Variants in GTF2H5 observed in about 807,000 individuals in gnomAD.
GTF2H5 encodes TFB5 ortholog.
Under a neutral mutation model 7.1 loss-of-function variants are expected in GTF2H5, and 5 were observed. That is an observed-to-expected ratio of 0.71 (90% CI 0.37 to 1.49). The LOEUF is 1.49. Ranked by LOEUF, GTF2H5 falls within the 40% of genes most tolerant of loss-of-function variation. The probability of loss-of-function intolerance (pLI) is 0.03; values close to 1 mark genes in which losing one functional copy is unlikely to be tolerated. For missense variants in GTF2H5, 80 were observed against 83.0 expected, an observed-to-expected ratio of 0.96 and a Z score of 0.14; for synonymous variants, 30 against 31.7, an observed-to-expected ratio of 0.95 and a Z score of 0.18.
chr6:158,190,306 T>G (rs1490095984), intron 2 of GTF2H5, among the ~76,000 whole-genome samples: 1 of 152,184 alleles, frequency 6.6e-6, no homozygotes, highest in Non-Finnish European at 1.5e-5. Context: ...CTTGGAGTTT[T>G]CTTGTTCCTC....
intron 2 of GTF2H5, among the ~76,000 whole-genome samples, chr6:158,179,515 C>A (rs796093027): frequency 7.2e-5 from 11 of 152,268 alleles, no homozygotes; most frequent in African/African-American, 2.6e-4. Flanking sequence ...TCTCTTATTT[C>A]CTTGAGCAGT....
intron 2 of GTF2H5, among the ~76,000 whole-genome samples, chr6:158,170,763 A>G (rs766376862): frequency 6.6e-6 from 1 of 152,202 alleles, no homozygotes; most frequent in Non-Finnish European, 1.5e-5. Context: ...TTGTTAGATG[A>G]GTCGTCTTTA....
chr6:158,169,881 T>A (rs975444772), intron 1 of GTF2H5, among the ~76,000 whole-genome samples: 1 of 144,956 alleles, frequency 6.9e-6, no homozygotes, highest in Non-Finnish European at 1.5e-5. Flanking sequence ...TTAGCTGGGC[T>A]TAGTAGTGCA....
chr6:158,171,298 T>C (rs191083293), intron 2 of GTF2H5, among the ~76,000 whole-genome samples: 176 of 152,356 alleles, frequency 1.2e-3, no homozygotes, highest in African/African-American at 3.8e-3. Flanking sequence ...CAAAACACTA[T>C]GCTTTGAACA....
At chr6:158,170,310 A>G (rs938369774) in intron 1 of GTF2H5, among the ~76,000 whole-genome samples, 160 bp from the exon 2 acceptor site, 2 of 152,176 alleles carry the variant, frequency 1.3e-5, no homozygotes, top group African/African-American at 4.8e-5. Flanking sequence ...TAATTTTGTT[A>G]AAAAATCAGA....
rs892009932 is a variant in GTF2H5 at position 158,193,282 on chromosome 6, CA to C, written c.*1135del. 16 of 144,496 alleles carry C rather than the reference CA, an allele frequency of 1.1e-4. No homozygotes were observed. The highest frequency in any genetic ancestry group is 2.1e-4 in the Admixed American group (3 of 14,466). 9.0% of individuals were successfully genotyped at this position (144,496 alleles called of 1,614,324 possible). A position where few individuals can be genotyped will look rare whatever the true frequency, so the allele number is the denominator to read the frequency against. Reference sequence around the variant, plus strand: ...AGGTGACAGAGTGAGACCCTGTCTCCAAAAAAAAAAGTGTATATGTATGTGT... The same window carrying C: ...AGGTGACAGAGTGAGACCCTGTCTCCAAAAAAAAAGTGTATATGTATGTGT... On this transcript the variant is annotated 3_prime_UTR_variant, in exon 3 of 3. Transcript: ENST00000607778.
In GTF2H5 at chr6:158,199,344, A is replaced by G. The variant is rs371280171; in HGVS notation, c.*7187A>G. The G allele has an allele frequency of 6.6e-5, 10 of 152,228 alleles. No individual in the cohort carries two copies. The highest frequency in any genetic ancestry group is 4.1e-4 in the South Asian group (2 of 4,834). 9.4% of individuals were successfully genotyped at this position (152,228 alleles called of 1,614,324 possible). A position where few individuals can be genotyped will look rare whatever the true frequency, so the allele number is the denominator to read the frequency against. ...CTAAAATAAAAATTTTAAAAAAACT[A>G]TATCTGTCACAGCCTGTTTTTATTT... On this transcript the variant is annotated 3_prime_UTR_variant, in exon 3 of 3. Coordinates refer to ENST00000607778, the MANE Select transcript of GTF2H5 (RefSeq NM_207118.3).
intron 1 of GTF2H5, among the ~76,000 whole-genome samples, chr6:158,169,482 A>ATAATATACTGTATATT (rs1562468291): frequency 3.3e-5 from 2 of 61,462 alleles, no homozygotes; most frequent in African/African-American, 1.7e-4. Context: ...TATTATATAT[A>ATAATATACTGTATATT]ATATATTGTA....
intron 2 of GTF2H5, among the ~76,000 whole-genome samples, chr6:158,176,812 A>G (rs1489906565): frequency 6.6e-6 from 1 of 152,226 alleles, no homozygotes; most frequent in African/African-American, 2.4e-5. Context: ...TAGATTATAG[A>G]TTATAGATTA....
At chr6:158,191,671 A>AC (rs1777029015) in intron 2 of GTF2H5, among the ~76,000 whole-genome samples, 1 of 152,016 alleles carries the variant, frequency 6.6e-6, no homozygotes, top group South Asian at 2.1e-4. Context: ...TTTAGTAGAG[A>AC]CGGGGTTTCA....
intron 2 of GTF2H5, among the ~76,000 whole-genome samples, chr6:158,191,542 G>A (rs1562476696): frequency 1.3e-5 from 2 of 151,356 alleles, no homozygotes; most frequent in Non-Finnish European, 2.9e-5. Flanking sequence ...GAGTGCAGTG[G>A]CACGATCTCC....
At chr6:158,185,747 A>G (rs1776910211) in intron 2 of GTF2H5, among the ~76,000 whole-genome samples, 1 of 151,876 alleles carries the variant, frequency 6.6e-6, no homozygotes. Context: ...ATGGCTCACA[A>G]CTGTAATCCC....
At chr6:158,172,911 G>A (rs1311453520) in intron 2 of GTF2H5, among the ~76,000 whole-genome samples, 3 of 152,166 alleles carry the variant, frequency 2.0e-5, no homozygotes, top group African/African-American at 4.8e-5. Context: ...GGGAGACTCT[G>A]AAGTCTCAGT....
chr6:158,168,779 TC>T, intron 1 of GTF2H5, among the ~76,000 whole-genome samples: 1 of 152,338 alleles, frequency 6.6e-6, no homozygotes, highest in South Asian at 2.1e-4. Context: ...CTTAATCTCT[TC>T]CTTTGGTCTC....
At chr6:158,182,521 G>A (rs1225355884) in intron 2 of GTF2H5, among the ~76,000 whole-genome samples, 3 of 152,070 alleles carry the variant, frequency 2.0e-5, no homozygotes, top group Non-Finnish European at 4.4e-5. Context: ...CCAATCAAAC[G>A]TAGATTTGGT....
At chr6:158,184,513 T>A (rs1776871146) in intron 2 of GTF2H5, among the ~76,000 whole-genome samples, 1 of 152,122 alleles carries the variant, frequency 6.6e-6, no homozygotes, top group African/African-American at 2.4e-5. Flanking sequence ...TGGTGTCTCT[T>A]CTCTTAAGAC....
chr6:158,170,462 T>C lies in GTF2H5; in HGVS notation c.-34-8T>C, dbSNP rs745876106. On this transcript the variant is annotated splice_polypyrimidine_tract_variant and splice_region_variant and intron_variant, in intron 1 of 2. Transcript: ENST00000607778. ...TTTAATTTAATGTTACCTTACTCTTTTTATTAGCATTCTTCAGGTCATCTG... is the reference window on the plus strand; with the variant it reads ...TTTAATTTAATGTTACCTTACTCTTCTTATTAGCATTCTTCAGGTCATCTG... 8.5e-6 allele frequency: 13 copies of C among 1,534,524 alleles called. No individual in the cohort carries two copies. The highest frequency in any genetic ancestry group is 3.4e-5 in the South Asian group (3 of 89,444).
Position 158,191,252 on chromosome 6 carries a change from T to C in GTF2H5, c.36-725T>C, listed in dbSNP as rs554967210. On this transcript the variant is annotated intron_variant, in intron 2 of 2. Coordinates refer to ENST00000607778, the MANE Select transcript of GTF2H5 (RefSeq NM_207118.3). ...TGCCTGACCAAAGTGACTGTTTAAC[T>C]GGTTTTGTAAGTTAATTTGTCACTG... is the stretch of plus-strand genomic sequence containing the variant. Among the ~76,000 whole-genome samples the C allele has an allele frequency of 2.0e-5, 3 of 152,304 alleles. No individual in the cohort carries two copies. The East Asian group carries it at 5.8e-4, about 29-fold the overall frequency.
chr6:158,168,374 G>C lies in GTF2H5; in HGVS notation c.-56G>C, dbSNP rs1341382716. ...CGCACTCTGCCGGCAACGCCGAGGC[G>C]CTTCTGCATCTGTGGGCCGAGGTGT... On this transcript the variant is annotated 5_prime_UTR_variant, in exon 1 of 3. Coordinates refer to ENST00000607778, the MANE Select transcript of GTF2H5 (RefSeq NM_207118.3). 2.0e-5 allele frequency: 3 copies of C among 152,464 alleles called. No homozygotes were observed. In the East Asian group the frequency reaches 5.8e-4, roughly 29 times the overall value. The allele number at this position is 152,464 out of a possible 1,614,324, so 9.4% of individuals were successfully genotyped here.
Sources: gnomAD v4.1 joint callset for allele counts (sites outside exome capture counted in the v4.1 genomes callset) on GRCh38, gnomAD v4.1.1 for gene constraint, MANE v1.5 for transcripts, NCBI Gene and HGNC (gene_info 2026-07-23, HGNC 2026-07-21) for gene names.